Variants in TRPC4 observed in about 807,000 individuals in gnomAD.
The protein encoded by TRPC4 is transient receptor potential cation channel subfamily C member 4, also known as short transient receptor potential channel 4.
Under a neutral mutation model 99.4 loss-of-function variants are expected in TRPC4, and 49 were observed. The observed-to-expected ratio is 0.49, with a 90% CI of 0.39 to 0.63. The LOEUF (loss-of-function observed/expected upper bound fraction) is 0.63. TRPC4 is among the 20% of genes least tolerant of loss of function. The pLI is 0.00. For synonymous variants in TRPC4, 454 were observed against 425.9 expected, an observed-to-expected ratio of 1.07 and a Z score of -0.81; for missense variants, 898 against 1,152.9, an observed-to-expected ratio of 0.78 and a Z score of 3.20.
At chr13:37,823,283 C>T (rs1322806874) in intron 1 of TRPC4, among the ~76,000 whole-genome samples, 1 of 151,096 alleles carries the variant, frequency 6.6e-6, no homozygotes, top group Non-Finnish European at 1.5e-5. Context: ...TAATTAGATC[C>T]CATTTGTCAT....
intron 3 of TRPC4, among the ~76,000 whole-genome samples, chr13:37,696,284 G>A (rs1953902506): frequency 6.6e-6 from 1 of 152,078 alleles, no homozygotes; most frequent in African/African-American, 2.4e-5. Context: ...GGGAATTATG[G>A]GAGCTACAAT....
At chr13:37,659,284 G>A (rs1417075459) in intron 6 of TRPC4, among the ~76,000 whole-genome samples, 5 of 151,924 alleles carry the variant, frequency 3.3e-5, no homozygotes, top group African/African-American at 1.2e-4. Flanking sequence ...ATTGTTGAAA[G>A]GACCCCTGCA....
intron 3 of TRPC4, among the ~76,000 whole-genome samples, chr13:37,718,363 C>A (rs12875518): frequency 0.35 from 51,960 of 150,278 alleles, 10,809 homozygotes; most frequent in Non-Finnish European, 0.48. Flanking sequence ...CTTACAGCAT[C>A]CAAGATACAA....
chr13:37,832,478 G>T (rs1958449962), intron 1 of TRPC4, among the ~76,000 whole-genome samples: 1 of 152,104 alleles, frequency 6.6e-6, no homozygotes, highest in Non-Finnish European at 1.5e-5. Context: ...GACAGAGGTT[G>T]CAGTGAGCTG....
chr13:37,807,651 C>T (rs971014896), intron 1 of TRPC4, among the ~76,000 whole-genome samples: 1 of 151,964 alleles, frequency 6.6e-6, no homozygotes, highest in African/African-American at 2.4e-5. Flanking sequence ...CACTCTAAAG[C>T]ATAAAGGGAA....
intron 8 of TRPC4, among the ~76,000 whole-genome samples, chr13:37,647,017 T>C (rs1441662717): frequency 2.6e-5 from 4 of 152,178 alleles, no homozygotes; most frequent in Non-Finnish European, 5.9e-5. Context: ...CAATCAACCA[T>C]TAAATGAAGT....
intron 8 of TRPC4, among the ~76,000 whole-genome samples, chr13:37,641,897 T>G (rs1309789118): frequency 6.6e-6 from 1 of 152,190 alleles, no homozygotes; most frequent in Non-Finnish European, 1.5e-5. Flanking sequence ...CTCTTTGCAT[T>G]TTTTTCCTTT....
chr13:37,746,561 G>T, intron 2 of TRPC4, 106 bp from the exon 3 acceptor site: 1 of 1,243,468 alleles, frequency 8.0e-7, no homozygotes, highest in Non-Finnish European at 1.1e-6. Context: ...ATATGTCCTT[G>T]GCCGGGTTTT....
intron 6 of TRPC4, among the ~76,000 whole-genome samples, chr13:37,658,335 C>T (rs2138659582): frequency 6.6e-6 from 1 of 152,258 alleles, no homozygotes; most frequent in East Asian, 1.9e-4. Context: ...TTATCTCTTG[C>T]TTTGAATATA....
intron 1 of TRPC4, among the ~76,000 whole-genome samples, chr13:37,860,153 A>T (rs73170472): frequency 0.042 from 6,408 of 151,572 alleles, 196 homozygotes; most frequent in Non-Finnish European, 0.061. Context: ...TTATTGCATA[A>T]ATTAAAATTA....
chr13:37,716,862 T>A (rs1954685548), intron 3 of TRPC4, among the ~76,000 whole-genome samples: 1 of 152,148 alleles, frequency 6.6e-6, no homozygotes, highest in Non-Finnish European at 1.5e-5. Context: ...CATAGCTGCT[T>A]CTCTTGTGTA....
intron 3 of TRPC4, among the ~76,000 whole-genome samples, chr13:37,717,812 C>T (rs910644664): frequency 6.6e-6 from 1 of 151,990 alleles, no homozygotes; most frequent in African/African-American, 2.4e-5. Flanking sequence ...AGGGAACTAA[C>T]ATATAGACCA....
chr13:37,839,422 T>TAGAC, intron 1 of TRPC4, among the ~76,000 whole-genome samples: 1 of 152,160 alleles, frequency 6.6e-6, no homozygotes, highest in Non-Finnish European at 1.5e-5. Flanking sequence ...ACATCCAGGG[T>TAGAC]TAATCTATGT....
At chr13:37,662,185 C>T (rs1286459512) in intron 6 of TRPC4, among the ~76,000 whole-genome samples, 1 of 152,056 alleles carries the variant, frequency 6.6e-6, no homozygotes, top group African/African-American at 2.4e-5. Flanking sequence ...TGGTGGGTGC[C>T]TGTAGCCCCA....
intron 2 of TRPC4, among the ~76,000 whole-genome samples, chr13:37,773,524 A>G (rs1206435958): frequency 2.0e-5 from 3 of 151,820 alleles, no homozygotes; most frequent in South Asian, 2.1e-4. Context: ...GGCTGCTACT[A>G]GGGTCAACAA....
chr13:37,634,375 G>A lies in TRPC4; in HGVS notation c.*2528C>T, dbSNP rs1951458734. Among the ~76,000 whole-genome samples the A allele has an allele frequency of 1.3e-5, 2 of 151,904 alleles. No individual in the cohort carries two copies. The highest frequency in any genetic ancestry group is 2.9e-5 in the Non-Finnish European group (2 of 67,944). On this transcript the variant is annotated 3_prime_UTR_variant, in exon 11 of 11. Transcript: ENST00000379705. Reference sequence around the variant, plus strand: ...AATTCTAGTGATATTAGTAACATCGGGTACTAATAATATCCAGCACTTTGT... The same window carrying A: ...AATTCTAGTGATATTAGTAACATCGAGTACTAATAATATCCAGCACTTTGT...
intron 3 of TRPC4, among the ~76,000 whole-genome samples, chr13:37,730,313 A>G (rs922294202): frequency 6.6e-6 from 1 of 151,988 alleles, no homozygotes; most frequent in Non-Finnish European, 1.5e-5. Flanking sequence ...TTTATATATG[A>G]TAAGTATCAC....
chr13:37,716,573 A>G (rs1158998550), intron 3 of TRPC4, among the ~76,000 whole-genome samples: 5 of 152,166 alleles, frequency 3.3e-5, no homozygotes, highest in Non-Finnish European at 7.3e-5. Context: ...CTGAACCTAC[A>G]TAGTATCTTG....
intron 1 of TRPC4, among the ~76,000 whole-genome samples, chr13:37,796,736 A>T (rs1957254556): frequency 1.3e-5 from 2 of 151,756 alleles, no homozygotes; most frequent in African/African-American, 4.8e-5. Context: ...TCACTGTCCC[A>T]TTGGCTCTCC....
Sources: gnomAD v4.1 joint callset for allele counts (sites outside exome capture counted in the v4.1 genomes callset) on GRCh38, gnomAD v4.1.1 for gene constraint, MANE v1.5 for transcripts, NCBI Gene and HGNC (gene_info 2026-07-23, HGNC 2026-07-21) for gene names.